TUSC3: variants seen among roughly 807,000 people sequenced by gnomAD.
TUSC3 encodes the protein dolichyl-diphosphooligosaccharide--protein glycosyltransferase subunit TUSC3.
A neutral mutation model predicts 44.8 loss-of-function variants in TUSC3; 45 were observed. The ratio of observed to expected loss-of-function variants is 1.00; its 90% confidence interval spans 0.79 to 1.29. The LOEUF is 1.29. Among genes scored for constraint, TUSC3 ranks in the 50% most tolerant of loss-of-function variants. The pLI, the probability that TUSC3 is intolerant of heterozygous loss-of-function variation, is 0.00. For synonymous variants in TUSC3, 212 were observed against 152.9 expected (o/e 1.39, Z -2.85); for missense variants, 519 against 437.9 (o/e 1.19, Z -1.65).
intron 9 of TUSC3, among the ~76,000 whole-genome samples, chr8:15,751,617 G>T (rs543795525): frequency 5.3e-4 from 81 of 152,276 alleles, no homozygotes; most frequent in African/African-American, 1.9e-3. Flanking sequence ...GGTGTTCAAA[G>T]AGCTCACTGA....
chr8:15,654,027 C>T (rs1250710410), intron 3 of TUSC3, among the ~76,000 whole-genome samples: 1 of 152,122 alleles, frequency 6.6e-6, no homozygotes, highest in Non-Finnish European at 1.5e-5. Context: ...TTAGAAGGAG[C>T]TCTCATCCAG....
At chr8:15,555,198 G>C (rs1802209654) in intron 1 of TUSC3, among the ~76,000 whole-genome samples, 1 of 138,960 alleles carries the variant, frequency 7.2e-6, no homozygotes, top group Non-Finnish European at 1.5e-5. Context: ...GTCCAGGGTG[G>C]AGTGTAGTGG....
chr8:15,568,693 G>A (rs1044755581), intron 1 of TUSC3, among the ~76,000 whole-genome samples: 2 of 147,394 alleles, frequency 1.4e-5, no homozygotes, highest in African/African-American at 5.0e-5. Flanking sequence ...ACTTCCATCT[G>A]CCAGGTTCAA....
At chr8:15,514,386 G>A (rs956150758) in intron 2 of TUSC3, among the ~76,000 whole-genome samples, 1 of 151,994 alleles carries the variant, frequency 6.6e-6, no homozygotes, top group Middle Eastern at 3.4e-3. Context: ...AAATTAATAG[G>A]GATACAGAAA....
chr8:15,790,673 G>A, the TUSC3 span, among the ~76,000 whole-genome samples: 1 of 152,146 alleles, frequency 6.6e-6, no homozygotes, highest in African/African-American at 2.4e-5. Context: ...AAGGGTAGAG[G>A]TACCGGTGCA....
At chr8:15,509,659 C>T (rs1012990290) in intron 2 of TUSC3, among the ~76,000 whole-genome samples, 18 of 151,926 alleles carry the variant, frequency 1.2e-4, no homozygotes, top group Admixed American at 6.6e-4. Flanking sequence ...TAAGTATTAG[C>T]GTGACAAATT....
the TUSC3 span, among the ~76,000 whole-genome samples, chr8:15,801,601 T>G: frequency 6.6e-6 from 1 of 151,976 alleles, no homozygotes; most frequent in Non-Finnish European, 1.5e-5. Flanking sequence ...GATGGCTGGG[T>G]AAATTGGAGG....
At chr8:15,432,183 G>A (rs1799880964) in intron 1 of TUSC3, among the ~76,000 whole-genome samples, 1 of 152,014 alleles carries the variant, frequency 6.6e-6, no homozygotes. Context: ...AGAAAGTGTG[G>A]CATTCATTCT....
At chr8:15,773,121 T>C in the TUSC3 span, among the ~76,000 whole-genome samples, 1 of 152,178 alleles carries the variant, frequency 6.6e-6, no homozygotes, top group African/African-American at 2.4e-5. Flanking sequence ...CATTATTCTG[T>C]GTGTTCTAGG....
At chr8:15,696,257 A>G (rs1336784857) in intron 6 of TUSC3, among the ~76,000 whole-genome samples, 1 of 152,132 alleles carries the variant, frequency 6.6e-6, no homozygotes, top group Non-Finnish European at 1.5e-5. Flanking sequence ...TCCAGCTGAG[A>G]CTAGAACGGG....
At chr8:15,773,742 A>G in the TUSC3 span, among the ~76,000 whole-genome samples, 2 of 152,188 alleles carry the variant, frequency 1.3e-5, no homozygotes, top group African/African-American at 4.8e-5. Flanking sequence ...TGTAAGGATA[A>G]ACATATAGAT....
chr8:15,651,278 T>C (rs1026947255), intron 3 of TUSC3, among the ~76,000 whole-genome samples: 6 of 152,214 alleles, frequency 3.9e-5, no homozygotes, highest in African/African-American at 1.4e-4. Context: ...TGCACAGATT[T>C]GTGACATTTT....
At chr8:15,633,017 G>A (rs1256063266) in intron 2 of TUSC3, among the ~76,000 whole-genome samples, 3 of 152,148 alleles carry the variant, frequency 2.0e-5, no homozygotes, top group African/African-American at 7.2e-5. Context: ...ACTTAGCTAG[G>A]TGTACGCTTT....
intron 2 of TUSC3, among the ~76,000 whole-genome samples, chr8:15,486,357 G>C (rs75377196): frequency 6.6e-6 from 1 of 152,094 alleles, no homozygotes; most frequent in Non-Finnish European, 1.5e-5. Context: ...TGCATATCTG[G>C]ACTATGCAAA....
chr8:15,776,044 T>A, the TUSC3 span, among the ~76,000 whole-genome samples: 3 of 152,058 alleles, frequency 2.0e-5, no homozygotes, highest in Non-Finnish European at 4.4e-5. Context: ...GTTCATCTAA[T>A]TCACTATTCT....
chr8:15,605,027 ATTTTT>A (rs1249084004), intron 1 of TUSC3, among the ~76,000 whole-genome samples: 1 of 151,868 alleles, frequency 6.6e-6, no homozygotes, highest in Non-Finnish European at 1.5e-5. Flanking sequence ...ACTCCAGGCC[ATTTTT>A]ACTGAAATGA....
chr8:15,563,575 A>T (rs147515466), intron 1 of TUSC3, among the ~76,000 whole-genome samples: 1 of 151,472 alleles, frequency 6.6e-6, no homozygotes, highest in African/African-American at 2.4e-5. Flanking sequence ...AATACCAGCT[A>T]CTCAGGAGGC....
At chr8:15,613,210 T>C (rs149669137) in intron 1 of TUSC3, among the ~76,000 whole-genome samples, 79 of 150,780 alleles carry the variant, frequency 5.2e-4, no homozygotes, top group African/African-American at 1.7e-3. Flanking sequence ...GACAATGGGA[T>C]TCATGTAACA....
At chr8:15,601,285 C>A (rs955008618) in intron 1 of TUSC3, among the ~76,000 whole-genome samples, 1 of 151,648 alleles carries the variant, frequency 6.6e-6, no homozygotes, top group Non-Finnish European at 1.5e-5. Flanking sequence ...TGTTTCCCCC[C>A]CGTTGCCTAT....
Sources: allele counts gnomAD v4.1 joint callset (sites outside exome capture counted in the v4.1 genomes callset), GRCh38; gene constraint gnomAD v4.1.1; transcripts MANE v1.5; gene names NCBI Gene and HGNC (gene_info 2026-07-23, HGNC 2026-07-21).